SAE1: variants seen among roughly 807,000 people sequenced by gnomAD.
The protein encoded by SAE1 is SUMO1 activating enzyme subunit 1, also known as SUMO-activating enzyme subunit 1.
In SAE1, 11 loss-of-function variants were observed where a neutral mutation model predicts 40.6. The observed-to-expected ratio is 0.27, with a 90% CI of 0.17 to 0.45. SAE1 has a LOEUF of 0.45. Among genes scored for constraint, SAE1 ranks in the 20% least tolerant of loss-of-function variants. The probability of loss-of-function intolerance (pLI) is 1.00; values close to 1 mark genes in which losing one functional copy is unlikely to be tolerated. For synonymous variants in SAE1, 155 were observed against 154.3 expected, an observed-to-expected ratio of 1.00 and a Z score of -0.03; for missense variants, 373 against 427.3, an observed-to-expected ratio of 0.87 and a Z score of 1.12.
At chr19:47,177,244 GGAATA>G (rs2123269016) in intron 6 of SAE1, among the ~76,000 whole-genome samples, 1 of 152,352 alleles carries the variant, frequency 6.6e-6, no homozygotes, top group Admixed American at 6.5e-5. Context: ...CAGAGGAAGA[GGAATA>G]GAATAAGTGT....
At chr19:47,177,425 C>G (rs1425029119) in intron 6 of SAE1, among the ~76,000 whole-genome samples, 2 of 152,174 alleles carry the variant, frequency 1.3e-5, no homozygotes, top group Non-Finnish European at 2.9e-5. Context: ...GTGGCACAAT[C>G]ATAACTCACT....
chr19:47,179,192 CAAAA>C (rs1227213780), intron 6 of SAE1, among the ~76,000 whole-genome samples: 6 of 72,262 alleles, frequency 8.3e-5, no homozygotes, highest in African/African-American at 1.1e-4. Flanking sequence ...GCTCTGTCTC[CAAAA>C]AAAAAAAAAA....
At chr19:47,193,505 T>C (rs1188357820) in intron 6 of SAE1, among the ~76,000 whole-genome samples, 1 of 151,828 alleles carries the variant, frequency 6.6e-6, no homozygotes. Context: ...GGAGCTTTTT[T>C]CTTTTCTTTC....
chr19:47,135,867 A>G (rs1263821638), intron 1 of SAE1, among the ~76,000 whole-genome samples: 3 of 151,318 alleles, frequency 2.0e-5, no homozygotes, highest in African/African-American at 7.3e-5. Flanking sequence ...GCAGTGGCGC[A>G]GTCTTGGTTC....
chr19:47,157,182 G>C (rs922695405), intron 5 of SAE1, among the ~76,000 whole-genome samples: 2 of 152,200 alleles, frequency 1.3e-5, no homozygotes, highest in Admixed American at 6.5e-5. Context: ...GTTTGGTGCT[G>C]TAAGTGTGAT....
At chr19:47,164,886 T>A (rs949787049) in intron 5 of SAE1, among the ~76,000 whole-genome samples, 2 of 151,588 alleles carry the variant, frequency 1.3e-5, no homozygotes, top group Non-Finnish European at 2.9e-5. Flanking sequence ...TCTCCTGACC[T>A]CGTGATCCGC....
Position 47,209,461 on chromosome 19 carries a change from T to G in SAE1, c.*210T>G. On this transcript the variant is annotated 3_prime_UTR_variant, in exon 9 of 9. Coordinates refer to ENST00000270225, the MANE Select transcript of SAE1 (RefSeq NM_005500.3). ...AAGGGGCGCAGGGTGGCTGTCTTTG[T>G]TCCAGCACTGTTCAGGCTGCCTGTC... 1.3e-6 allele frequency: 1 copy of G among 792,634 alleles called. No individual in the cohort carries two copies. Among genetic ancestry groups the G allele is most frequent in the East Asian group, 2.7e-5 (1 of 36,944 alleles). The allele number at this position is 792,634 out of a possible 1,614,324, so 49.1% of individuals were successfully genotyped here.
At chr19:47,157,484 G>A (rs1291932134) in intron 5 of SAE1, among the ~76,000 whole-genome samples, 1 of 152,198 alleles carries the variant, frequency 6.6e-6, no homozygotes, top group Non-Finnish European at 1.5e-5. Context: ...TCTGATTGAG[G>A]CAGGTCTTTC....
chr19:47,167,947 C>CT (rs1260414224), intron 5 of SAE1, among the ~76,000 whole-genome samples: 1 of 152,292 alleles, frequency 6.6e-6, no homozygotes, highest in African/African-American at 2.4e-5. Context: ...AATCCCAACA[C>CT]TTTGGGAGAC....
At chr19:47,164,639 C>CTTTTTT (rs1166301382) in intron 5 of SAE1, among the ~76,000 whole-genome samples, 3 of 78,388 alleles carry the variant, frequency 3.8e-5, no homozygotes, top group Non-Finnish European at 7.3e-5. Context: ...GAGAATTCAC[C>CTTTTTT]TTTTTTTTTT....
At chr19:47,183,297 A>G (rs1022332707) in intron 6 of SAE1, among the ~76,000 whole-genome samples, 1 of 151,790 alleles carries the variant, frequency 6.6e-6, no homozygotes, top group Admixed American at 6.6e-5. Context: ...CTGTTTTCAC[A>G]TGAGGAAATT....
intron 2 of SAE1, among the ~76,000 whole-genome samples, chr19:47,147,038 A>G (rs1024311912): frequency 2.6e-5 from 4 of 152,124 alleles, no homozygotes; most frequent in Non-Finnish European, 5.9e-5. Flanking sequence ...ATGGAGCTAT[A>G]CAGAGTGGAA....
intron 1 of SAE1, among the ~76,000 whole-genome samples, chr19:47,133,416 G>A (rs1294380441): frequency 6.6e-6 from 1 of 152,146 alleles, no homozygotes; most frequent in Non-Finnish European, 1.5e-5. Flanking sequence ...TAGTAGAGAC[G>A]GGGTTTCACC....
rs770797534 is a variant in SAE1, at chr19:47,150,339, G to A, written c.348G>A (p.Glu116=). ...VDVKVDTEDI[E]KKPESFFTQF... is the part of the protein sequence containing the mutation. ...TGAAGGTGGACACTGAGGATATAGA[G>A]AAGAAACCAGAGTCATTTTTCACTC... The change falls in exon 3 of 9, where the codon GAG becomes GAA. Residue 116 remains glutamate (E), a synonymous_variant. Coordinates refer to ENST00000270225, the MANE Select transcript of SAE1 (RefSeq NM_005500.3). 45 of 1,605,370 alleles carry A rather than the reference G, an allele frequency of 2.8e-5. No homozygotes were observed. The highest frequency in any genetic ancestry group is 3.7e-5 in the Non-Finnish European group (43 of 1,177,430).
At chr19:47,182,807 G>A (rs1168260327) in intron 6 of SAE1, among the ~76,000 whole-genome samples, 1 of 152,166 alleles carries the variant, frequency 6.6e-6, no homozygotes, top group Non-Finnish European at 1.5e-5. Flanking sequence ...TACAGGCGGG[G>A]TGTGGTGGCT....
chr19:47,154,599 A>G (rs1176486957), intron 4 of SAE1, among the ~76,000 whole-genome samples: 2 of 139,788 alleles, frequency 1.4e-5, no homozygotes, highest in African/African-American at 2.7e-5. Flanking sequence ...GGGTCAACCA[A>G]TTCTCCTGCC....
intron 5 of SAE1, among the ~76,000 whole-genome samples, chr19:47,155,744 A>G (rs1385318457): frequency 1.4e-5 from 2 of 143,456 alleles, no homozygotes; most frequent in African/African-American, 2.6e-5. Context: ...GCCCGGCCCC[A>G]TACCCTTTTT....
Position 47,154,153 on chromosome 19 carries a change from C to T in SAE1, c.528-961C>T, listed in dbSNP as rs1019192950. Reference sequence around the variant, plus strand: ...TCACCCAGGCTGGAGTGCCATGGCACGATCTTGGCTCACTGCAACCTCCAC... The same window carrying T: ...TCACCCAGGCTGGAGTGCCATGGCATGATCTTGGCTCACTGCAACCTCCAC... On this transcript the variant is annotated intron_variant, in intron 4 of 8. Coordinates refer to ENST00000270225, the MANE Select transcript of SAE1 (RefSeq NM_005500.3). Among the ~76,000 whole-genome samples the T allele has an allele frequency of 3.3e-5, 5 of 151,982 alleles. No homozygotes were observed. The East Asian group carries it at 7.8e-4, about 24-fold the overall frequency.
intron 6 of SAE1, among the ~76,000 whole-genome samples, chr19:47,189,482 A>G (rs1378488014): frequency 6.6e-6 from 1 of 152,150 alleles, no homozygotes; most frequent in East Asian, 1.9e-4. Flanking sequence ...AATCGCTTGC[A>G]CCTGGGAGGC....
Sources: allele counts gnomAD v4.1 joint callset (sites outside exome capture counted in the v4.1 genomes callset), GRCh38; gene constraint gnomAD v4.1.1; transcripts MANE v1.5; gene names NCBI Gene and HGNC (gene_info 2026-07-23, HGNC 2026-07-21).